COCH: variants seen among roughly 807,000 people sequenced by gnomAD.
COCH encodes the protein coagulation factor C homolog, cochlin (Limulus polyphemus).
A neutral mutation model predicts 54.8 loss-of-function variants in COCH; 40 were observed. The observed-to-expected ratio is 0.73, with a 90% CI of 0.57 to 0.95. The LOEUF (loss-of-function observed/expected upper bound fraction) is 0.95. COCH is among the 40% of genes least tolerant of loss of function. COCH has a pLI of 0.00. For missense variants in COCH, 605 were observed against 675.0 expected (o/e 0.90, Z 1.15); for synonymous variants, 256 against 237.9 (o/e 1.08, Z -0.70).
intron 11 of COCH, among the ~76,000 whole-genome samples, chr14:30,886,704 C>T (rs1300282323): frequency 6.6e-6 from 1 of 152,228 alleles, no homozygotes; most frequent in Non-Finnish European, 1.5e-5. Context: ...TACCATGAAT[C>T]TGCCATTCAG....
intron 8 of COCH, 97 bp from the exon 9 acceptor site, chr14:30,884,456 G>A (rs1221400807): frequency 1.3e-6 from 1 of 786,708 alleles, no homozygotes; most frequent in Non-Finnish European, 2.2e-6. Context: ...AGAAACTTGT[G>A]TGTTGTCTGG....
At chr14:30,879,780 A>T (rs1014822840) in intron 6 of COCH, among the ~76,000 whole-genome samples, 1 of 152,208 alleles carries the variant, frequency 6.6e-6, no homozygotes, top group Non-Finnish European at 1.5e-5. Flanking sequence ...AGTAGGTGGT[A>T]CTACAGGCAC....
chr14:30,879,310 T>A, intron 5 of COCH, 113 bp from the exon 6 acceptor site: 1 of 1,080,690 alleles, frequency 9.3e-7, no homozygotes, highest in South Asian at 1.4e-5. Context: ...TGTTTGTAAC[T>A]ACAATCACCA....
intron 8 of COCH, among the ~76,000 whole-genome samples, chr14:30,881,475 G>A (rs1415611924): frequency 1.3e-5 from 2 of 152,162 alleles, no homozygotes; most frequent in Non-Finnish European, 1.5e-5. Context: ...GTAGACTGGA[G>A]AGTCCTGTTG....
chr14:30,884,554 G>T lies in COCH; in HGVS notation c.631G>T (p.Glu211Ter), dbSNP rs746532969. Residue 211 changes from glutamate to a stop codon, truncating the protein, a stop_gained and splice_region_variant, in exon 9 of 12, where the codon GAA (glutamate) becomes TAA (stop). Coordinates refer to ENST00000396618, the MANE Select transcript of COCH (RefSeq NM_004086.3). LOFTEE classifies it high-confidence loss of function. ...GPHVGLVQAS[E>*]HPKIEFYLKN... ...TAACATTTTCTTTCTTCCACTCAGT[G>T]AACATCCCAAAATAGAATTTTACTT... is the stretch of plus-strand genomic sequence containing the variant. 6.2e-7 allele frequency: 1 copy of T among 1,605,124 alleles called. No individual in the cohort carries two copies. Among genetic ancestry groups the T allele is most frequent in the South Asian group, 1.1e-5 (1 of 90,890 alleles).
downstream of COCH, among the ~76,000 whole-genome samples, chr14:30,893,029 T>C (rs532709500): frequency 6.6e-5 from 10 of 152,278 alleles, no homozygotes; most frequent in Admixed American, 4.6e-4. Flanking sequence ...TATTACCTTA[T>C]TGAAGAAAAG....
At position 30,890,062 on chromosome 14, in the gene COCH, A is replaced by G. The variant is rs1349030233; in HGVS notation, c.*271A>G. The G allele has an allele frequency of 1.8e-6, 2 of 1,131,274 alleles. No individual in the cohort carries two copies. Among genetic ancestry groups the G allele is most frequent in the Non-Finnish European group, 1.1e-6 (1 of 920,094 alleles). 70.1% of individuals were successfully genotyped at this position (1,131,274 alleles called of 1,614,324 possible). On this transcript the variant is annotated 3_prime_UTR_variant, in exon 12 of 12. Transcript: ENST00000396618. ...AGATAATGTGGATTAAAACCTTAAG[A>G]GTTCTAACCATGCCTACTAAATGTA...
chr14:30,880,031 C>T (rs1417387101), intron 6 of COCH, among the ~76,000 whole-genome samples: 4 of 152,126 alleles, frequency 2.6e-5, no homozygotes. Flanking sequence ...GGTCAAAGTA[C>T]CATGAACTTC....
chr14:30,877,871 T>A lies in COCH; in HGVS notation c.239+143T>A. 7.1e-7 allele frequency: 1 copy of A among 1,414,940 alleles called. No homozygotes were observed. The highest frequency in any genetic ancestry group is 9.6e-7 in the Non-Finnish European group (1 of 1,041,558). 87.6% of individuals were successfully genotyped at this position (1,414,940 alleles called of 1,614,324 possible). ...CAGAAAATGGATATATTTTCACGGT[T>A]CTCCTGGATATACTTGAAACACCAA... On this transcript the variant is annotated intron_variant, in intron 4 of 11. Transcript: ENST00000396618. This position sits in a 1 kb window ranked among gnomAD's most constrained non-coding sequence, Gnocchi z 8.6.
chr14:30,894,238 A>G (rs1399438507), downstream of COCH: 1 of 152,302 alleles, frequency 6.6e-6, no homozygotes, highest in Non-Finnish European at 1.5e-5. Context: ...ACTTTACTCC[A>G]AATATTTTTA....
In COCH at chr14:30,889,937, C is replaced by A. The variant is rs1424839588; in HGVS notation, c.*146C>A. 1.8e-5 allele frequency: 26 copies of A among 1,405,874 alleles called. No individual in the cohort carries two copies. The highest frequency in any genetic ancestry group is 2.4e-5 in the Non-Finnish European group (26 of 1,081,350). 87.1% of individuals were successfully genotyped at this position (1,405,874 alleles called of 1,614,324 possible). A position where few individuals can be genotyped will look rare whatever the true frequency, so the allele number is the denominator to read the frequency against. On this transcript the variant is annotated 3_prime_UTR_variant, in exon 12 of 12. Coordinates refer to ENST00000396618, the MANE Select transcript of COCH (RefSeq NM_004086.3). ...ACAGCCATTTAGGCAAATAAGCACTCCTTTAAAGCCGCTGCCTTCTGGTTA... is the reference window on the plus strand; with the variant it reads ...ACAGCCATTTAGGCAAATAAGCACTACTTTAAAGCCGCTGCCTTCTGGTTA...
chr14:30,895,518 C>A (rs779186622), downstream of COCH: 51 of 1,613,964 alleles, frequency 3.2e-5, no homozygotes, highest in Admixed American at 8.0e-4. Context: ...TTTCTGTGAG[C>A]TGTTATTTCT....
chr14:30,893,515 A>T (rs926259001), downstream of COCH, among the ~76,000 whole-genome samples: 9 of 152,134 alleles, frequency 5.9e-5, no homozygotes, highest in Non-Finnish European at 1.0e-4. Flanking sequence ...TCCTTGCTGA[A>T]TTTTTTTGTG....
intron 11 of COCH, among the ~76,000 whole-genome samples, chr14:30,888,319 T>C (rs1201272502): frequency 6.6e-6 from 1 of 152,046 alleles, no homozygotes; most frequent in Non-Finnish European, 1.5e-5. Context: ...CAAGTAGCTT[T>C]TACATCATCT....
intron 3 of COCH, chr14:30,875,370 A>C: frequency 1.7e-6 from 1 of 603,620 alleles, no homozygotes; most frequent in Non-Finnish European, 2.9e-6. Context: ...CTCCAGGCCC[A>C]CCCACAGCCC....
downstream of COCH, among the ~76,000 whole-genome samples, chr14:30,892,609 A>G (rs1329866459): frequency 1.3e-5 from 2 of 152,164 alleles, no homozygotes; most frequent in Non-Finnish European, 2.9e-5. Flanking sequence ...GGAGTTTGAG[A>G]CCTGCCTGAC....
At chr14:30,879,851 A>G (rs745628856) in intron 6 of COCH, among the ~76,000 whole-genome samples, 5 of 150,648 alleles carry the variant, frequency 3.3e-5, no homozygotes, top group Non-Finnish European at 3.0e-5. Context: ...ATTTTTTTAG[A>G]CAGGTCTAGC....
chr14:30,880,501 G>T lies in COCH; in HGVS notation c.481+5G>T, dbSNP rs1486736177. On this transcript the variant is annotated splice_donor_5th_base_variant and intron_variant, in intron 7 of 11. Coordinates refer to ENST00000396618, the MANE Select transcript of COCH (RefSeq NM_004086.3). Reference sequence around the variant, plus strand: ...AGAAGAAAACTGGCAATAAAGGTAAGAATCAAGATCTCCATTTGGGAAGGT... The same window carrying T: ...AGAAGAAAACTGGCAATAAAGGTAATAATCAAGATCTCCATTTGGGAAGGT... 1 of 1,614,118 alleles carries T rather than the reference G, an allele frequency of 6.2e-7. No homozygotes were observed. Among genetic ancestry groups the T allele is most frequent in the South Asian group, 1.1e-5 (1 of 91,058 alleles).
intron 8 of COCH, among the ~76,000 whole-genome samples, chr14:30,881,957 CTG>C (rs2138857760): frequency 6.7e-6 from 1 of 150,038 alleles, no homozygotes; most frequent in East Asian, 1.9e-4. Flanking sequence ...GAGCAAGACT[CTG>C]TTTCAAAAAA....
Sources: gnomAD v4.1 joint callset for allele counts (sites outside exome capture counted in the v4.1 genomes callset) on GRCh38, gnomAD v4.1.1 for gene constraint, Gnocchi (gnomAD v3.1) non-coding constraint, MANE v1.5 for transcripts, NCBI Gene and HGNC (gene_info 2026-07-23, HGNC 2026-07-21) for gene names.